CADPS2: variants seen among roughly 807,000 people sequenced by gnomAD.
CADPS2 encodes calcium-dependent secretion activator 2.
A neutral mutation model predicts 172.5 loss-of-function variants in CADPS2; 93 were observed. That is an observed-to-expected ratio of 0.54 (90% CI 0.46 to 0.64). The LOEUF (loss-of-function observed/expected upper bound fraction) is 0.64. CADPS2 is among the 30% of genes least tolerant of loss of function. The pLI is 0.00. For missense variants in CADPS2, 1,420 were observed against 1,565.9 expected (o/e 0.91, Z 1.57); for synonymous variants, 546 against 555.2 (o/e 0.98, Z 0.23).
chr7:122,702,078 G>A (rs773636874), intron 2 of CADPS2: 11 of 1,613,198 alleles, frequency 6.8e-6, no homozygotes, highest in East Asian at 6.7e-5. Context: ...ATTTGACTTC[G>A]CCTCCTGGTG....
chr7:122,510,634 T>C (rs1563550961), intron 9 of CADPS2, among the ~76,000 whole-genome samples: 1 of 152,110 alleles, frequency 6.6e-6, no homozygotes, highest in East Asian at 1.9e-4. Context: ...CAACAGAGCA[T>C]CATTCTGCCG....
At chr7:122,354,558 G>A (rs10252242) in intron 27 of CADPS2, 62,166 of 151,848 alleles carry the variant, frequency 0.41, 13,514 homozygotes, top group African/African-American at 0.52. Flanking sequence ...CCCACCTTAC[G>A]GGTGAGCAAA....
At chr7:122,676,754 T>C (rs551988639) in intron 2 of CADPS2, 7 of 1,291,274 alleles carry the variant, frequency 5.4e-6, no homozygotes, top group East Asian at 2.4e-5. Flanking sequence ...CAGATTATCA[T>C]GGAGAAACTT....
intron 1 of CADPS2, among the ~76,000 whole-genome samples, chr7:122,777,343 G>A (rs1249800561): frequency 6.6e-6 from 1 of 152,100 alleles, no homozygotes. Context: ...ATCCAGTATG[G>A]CTGTTGGAGC....
Position 122,882,825 on chromosome 7 carries a change from C to T in CADPS2, c.339+3174G>A, listed in dbSNP as rs192863364. On this transcript the variant is annotated intron_variant, in intron 1 of 29. Coordinates refer to ENST00000449022, the MANE Select transcript of CADPS2 (RefSeq NM_017954.11). ...TGCAAAGGTAATCAGGGTAAATCAG[C>T]ATTAGAGGCTCAAGCACTATCACTA... Among the ~76,000 whole-genome samples, 6 of 152,188 alleles carry T rather than the reference C, an allele frequency of 3.9e-5. No individual in the cohort carries two copies. The East Asian group carries it at 9.7e-4, about 25-fold the overall frequency.
At chr7:122,648,206 T>G (rs2078765867) in intron 3 of CADPS2, among the ~76,000 whole-genome samples, 1 of 152,084 alleles carries the variant, frequency 6.6e-6, no homozygotes, top group African/African-American at 2.4e-5. Context: ...TTCTTTCCTC[T>G]TGGTACAACC....
intron 25 of CADPS2, among the ~76,000 whole-genome samples, chr7:122,376,213 T>A (rs555967058): frequency 4.0e-4 from 61 of 152,258 alleles, no homozygotes; most frequent in Admixed American, 1.2e-3. Context: ...GATTTAGCGA[T>A]CCCATTAATG....
At chr7:122,346,287 G>A (rs531984319) in intron 27 of CADPS2, among the ~76,000 whole-genome samples, 1 of 152,284 alleles carries the variant, frequency 6.6e-6, no homozygotes, top group South Asian at 2.1e-4. Flanking sequence ...AGAATTGCTT[G>A]AGCATGGGTG....
chr7:122,443,640 TTC>T (rs2051679395), intron 15 of CADPS2, among the ~76,000 whole-genome samples: 1 of 149,420 alleles, frequency 6.7e-6, no homozygotes, highest in Non-Finnish European at 1.5e-5. Flanking sequence ...AAGAGGAAAC[TTC>T]TTTTATCTTT....
intron 8 of CADPS2, among the ~76,000 whole-genome samples, chr7:122,546,470 A>C (rs912862769): frequency 6.6e-6 from 1 of 152,158 alleles, no homozygotes; most frequent in Non-Finnish European, 1.5e-5. Flanking sequence ...CCTTTTCATC[A>C]TTCCTGTATT....
At chr7:122,475,856 G>T (rs1487858433) in intron 12 of CADPS2, among the ~76,000 whole-genome samples, 1 of 152,112 alleles carries the variant, frequency 6.6e-6, no homozygotes, top group Non-Finnish European at 1.5e-5. Context: ...ATAATCCGTG[G>T]AGAAAGTATC....
chr7:122,379,276 T>C (rs1026181864), intron 25 of CADPS2, 92 bp downstream of exon 25: 1 of 818,874 alleles, frequency 1.2e-6, no homozygotes, highest in South Asian at 2.2e-5. Context: ...TTAAACTACA[T>C]TTTTTCTCAA....
At chr7:122,721,285 A>C (rs892657801) in intron 2 of CADPS2, among the ~76,000 whole-genome samples, 1 of 152,114 alleles carries the variant, frequency 6.6e-6, no homozygotes, top group African/African-American at 2.4e-5. Flanking sequence ...AAATTGATAG[A>C]CTGCTAGCAA....
intron 2 of CADPS2, among the ~76,000 whole-genome samples, chr7:122,693,114 T>C (rs1860859): frequency 0.67 from 102,021 of 152,090 alleles, 35,012 homozygotes; most frequent in Middle Eastern, 0.85. Flanking sequence ...CACAGCCATG[T>C]TCCTTACACT....
intron 9 of CADPS2, among the ~76,000 whole-genome samples, chr7:122,500,889 T>C (rs2059141473): frequency 6.6e-6 from 1 of 152,144 alleles, no homozygotes; most frequent in Non-Finnish European, 1.5e-5. Flanking sequence ...GAAGGTATTG[T>C]GAACTGAAAA....
At chr7:122,645,767 C>G (rs1330661473) in intron 3 of CADPS2, among the ~76,000 whole-genome samples, 1 of 144,630 alleles carries the variant, frequency 6.9e-6, no homozygotes, top group Non-Finnish European at 1.5e-5. Context: ...GTGAATATCA[C>G]TGCCCCCTGC....
chr7:122,759,134 A>T (rs2093285262), intron 1 of CADPS2, among the ~76,000 whole-genome samples: 1 of 152,154 alleles, frequency 6.6e-6, no homozygotes, highest in Non-Finnish European at 1.5e-5. Context: ...CTAAGTGGAG[A>T]ATCACAGTCC....
At chr7:122,781,938 T>C (rs1286806453) in intron 1 of CADPS2, among the ~76,000 whole-genome samples, 1 of 152,202 alleles carries the variant, frequency 6.6e-6, no homozygotes, top group East Asian at 1.9e-4. Flanking sequence ...GACATTTACA[T>C]GCTACTGAAT....
chr7:122,480,365 T>A (rs2152254338), intron 12 of CADPS2, among the ~76,000 whole-genome samples: 2 of 152,306 alleles, frequency 1.3e-5, no homozygotes, highest in South Asian at 4.1e-4. Context: ...TGATTTATAC[T>A]TCATTCTAAA....
Sources: allele counts gnomAD v4.1 joint callset (sites outside exome capture counted in the v4.1 genomes callset), GRCh38; gene constraint gnomAD v4.1.1; transcripts MANE v1.5; gene names NCBI Gene and HGNC (gene_info 2026-07-23, HGNC 2026-07-21).